The following RABGEF1 variants were observed in gnomAD, a reference collection of about 807,000 sequenced individuals.
RABGEF1 encodes RAB guanine nucleotide exchange factor 1, also known as rab5 GDP/GTP exchange factor.
In RABGEF1, 26 loss-of-function variants were observed where a neutral mutation model predicts 57.3. The ratio of observed to expected loss-of-function variants is 0.45; its 90% CI spans 0.33 to 0.63. The LOEUF (loss-of-function observed/expected upper bound fraction) is 0.63, where lower values mean the gene tolerates loss of function less well. Ranked by LOEUF, RABGEF1 falls within the 20% of genes least tolerant of loss-of-function variation. RABGEF1 has a pLI of 0.02. For synonymous variants in RABGEF1, 185 were observed against 210.7 expected (o/e 0.88, Z 1.06); for missense variants, 464 against 607.6 (o/e 0.76, Z 2.48).
At chr7:66,685,549 C>A (rs868757729) in intron 1 of RABGEF1, among the ~76,000 whole-genome samples, 1 of 152,208 alleles carries the variant, frequency 6.6e-6, no homozygotes, top group Non-Finnish European at 1.5e-5. Context: ...TTGTTTCTTT[C>A]TGTAAGGATG....
At chr7:66,737,051 GGAGAGA>G (rs146350696), upstream of RABGEF1, among the ~76,000 whole-genome samples, 3 of 124,920 alleles carry the variant, frequency 2.4e-5, no homozygotes, top group Admixed American at 8.4e-5. Context: ...ATATGAGGGG[GGAGAGA>G]GAGAGAGAGA....
chr7:66,744,190 C>G (rs115839207), intron 1 of RABGEF1, among the ~76,000 whole-genome samples: 1 of 151,414 alleles, frequency 6.6e-6, no homozygotes, highest in Non-Finnish European at 1.5e-5. Flanking sequence ...TAGATAGGCG[C>G]GCGCCACCAC....
intron 1 of RABGEF1, among the ~76,000 whole-genome samples, chr7:66,700,832 A>G (rs758779658): frequency 3.3e-5 from 5 of 152,208 alleles, no homozygotes; most frequent in Non-Finnish European, 7.3e-5. Context: ...CATCTCTGCA[A>G]AGGCCCCAGC....
At chr7:66,699,286 C>T (rs2117227630) in intron 1 of RABGEF1, among the ~76,000 whole-genome samples, 1 of 152,340 alleles carries the variant, frequency 6.6e-6, no homozygotes, top group Admixed American at 6.5e-5. Flanking sequence ...ATTCTCTGTT[C>T]CCCTAGACCG....
upstream of RABGEF1, among the ~76,000 whole-genome samples, chr7:66,680,968 G>A (rs550994093): frequency 2.6e-5 from 4 of 152,050 alleles, no homozygotes; most frequent in East Asian, 1.9e-4. Flanking sequence ...CTATAATTCC[G>A]GCTACTCGAG....
rs1218282761 is a variant in RABGEF1 at position 66,811,204 on chromosome 7, T to G, written c.*1920T>G. 1 of 152,208 alleles carries G rather than the reference T, an allele frequency of 6.6e-6. No homozygotes were observed. The highest frequency in any genetic ancestry group is 1.5e-5 in the Non-Finnish European group (1 of 68,034). The allele number at this position is 152,208 out of a possible 1,614,324, so 9.4% of individuals were successfully genotyped here. Reference sequence around the variant, plus strand: ...CAACTTCCCACAAAAGCTGACTTTTTTGGGTCTCTTACATATAAAGTAGGT... The same window carrying G: ...CAACTTCCCACAAAAGCTGACTTTTGTGGGTCTCTTACATATAAAGTAGGT... On this transcript the variant is annotated 3_prime_UTR_variant, in exon 9 of 9. Coordinates refer to ENST00000284957, the MANE Select transcript of RABGEF1 (RefSeq NM_014504.3).
At chr7:66,743,384 G>T (rs1326380581) in intron 1 of RABGEF1, among the ~76,000 whole-genome samples, 3 of 151,474 alleles carry the variant, frequency 2.0e-5, no homozygotes, top group Non-Finnish European at 4.4e-5. Flanking sequence ...GAATGCAGTG[G>T]CAGGAACACA....
At chr7:66,692,880 C>T (rs567012407) in intron 1 of RABGEF1, among the ~76,000 whole-genome samples, 1 of 152,362 alleles carries the variant, frequency 6.6e-6, no homozygotes, top group East Asian at 1.9e-4. Flanking sequence ...CTGGCACCTA[C>T]ATCCTGGCTG....
At chr7:66,775,671 A>G (rs754129281) in intron 3 of RABGEF1, among the ~76,000 whole-genome samples, 12 of 152,208 alleles carry the variant, frequency 7.9e-5, no homozygotes, top group African/African-American at 2.2e-4. Context: ...CCAAATGACT[A>G]TCTCTTTGGA....
At chr7:66,718,141 G>A (rs1795611349) in intron 2 of RABGEF1, among the ~76,000 whole-genome samples, 1 of 151,774 alleles carries the variant, frequency 6.6e-6, no homozygotes, top group Non-Finnish European at 1.5e-5. Flanking sequence ...CCAGGAGTTC[G>A]AGACCAGCCT....
At chr7:66,660,385 A>C in the RABGEF1 span, among the ~76,000 whole-genome samples, 1 of 152,044 alleles carries the variant, frequency 6.6e-6, no homozygotes, top group Non-Finnish European at 1.5e-5. Context: ...AAATGAGCAC[A>C]TTACTGTGAT....
intron 1 of RABGEF1, among the ~76,000 whole-genome samples, chr7:66,771,009 A>C (rs1041602991): frequency 5.9e-5 from 9 of 151,858 alleles, no homozygotes; most frequent in African/African-American, 2.2e-4. Context: ...GAGTTGTAGG[A>C]GTTCCTTCGT....
intron 3 of RABGEF1, among the ~76,000 whole-genome samples, chr7:66,778,021 G>A (rs1486553334): frequency 6.6e-6 from 1 of 152,098 alleles, no homozygotes; most frequent in African/African-American, 2.4e-5. Context: ...AGATTCCATT[G>A]TATCTTTGTT....
chr7:66,740,411 C>G (rs1409237603), upstream of RABGEF1: 1 of 152,278 alleles, frequency 6.6e-6, no homozygotes, highest in Non-Finnish European at 1.5e-5. Context: ...GGAGTCGCCG[C>G]GGAGCCAGCG....
chr7:66,779,993 T>A (rs951112433), intron 3 of RABGEF1, among the ~76,000 whole-genome samples: 1 of 152,210 alleles, frequency 6.6e-6, no homozygotes, highest in African/African-American at 2.4e-5. Context: ...TAGTAACTTG[T>A]ATGATCATAA....
Position 66,772,064 on chromosome 7 carries a change from G to C in RABGEF1, c.165G>C (p.Trp55Cys). 1 of 1,544,594 alleles carries C rather than the reference G, an allele frequency of 6.5e-7. No individual in the cohort carries two copies. Among genetic ancestry groups the C allele is most frequent in the Non-Finnish European group, 8.7e-7 (1 of 1,144,608 alleles). ...KARQKQIQEDWELAERLQREE... is the reference protein window; with the variant it reads ...KARQKQIQEDCELAERLQREE... ...GGCAGAAGCAGATTCAGGAGGACTG[G>C]GAGCTGGCGGAGCGGTAAAAGGACT... The change falls in exon 2 of 9, where the codon TGG becomes TGC. Residue 55 changes from tryptophan (W) to cysteine (C), a missense_variant. Trp to Cys is a radical substitution (Grantham distance 215). This residue lies in a region of RABGEF1 where 284 missense variants were observed against 389.9 expected (regional missense o/e 0.73). Transcript: ENST00000284957.
chr7:66,691,842 C>T (rs1791559410), intron 1 of RABGEF1, among the ~76,000 whole-genome samples: 1 of 151,828 alleles, frequency 6.6e-6, no homozygotes, highest in South Asian at 2.1e-4. Context: ...TCACTTGAGC[C>T]CAGGAGATCA....
the RABGEF1 span, among the ~76,000 whole-genome samples, chr7:66,660,553 G>A: frequency 6.6e-6 from 1 of 151,798 alleles, no homozygotes; most frequent in Non-Finnish European, 1.5e-5. Context: ...TGGGCATGGT[G>A]GCTCCCGCCT....
intron 3 of RABGEF1, among the ~76,000 whole-genome samples, chr7:66,782,628 T>C (rs1365714699): frequency 1.3e-5 from 2 of 151,876 alleles, no homozygotes; most frequent in Non-Finnish European, 2.9e-5. Flanking sequence ...TGCACTACCA[T>C]GCCTGGCTAA....
Sources: allele counts gnomAD v4.1 joint callset (sites outside exome capture counted in the v4.1 genomes callset), GRCh38; gene constraint gnomAD v4.1.1; regional missense constraint gnomAD v4.1.1; transcripts MANE v1.5; gene names NCBI Gene and HGNC (gene_info 2026-07-23, HGNC 2026-07-21).